Variants in ZNF324 observed in about 807,000 individuals in gnomAD.
ZNF324 encodes the protein zinc finger protein 324A.
Under a neutral mutation model 10.3 loss-of-function variants are expected in ZNF324, and 3 were observed. The ratio of observed to expected loss-of-function variants is 0.29; its 90% CI spans 0.13 to 0.75. The LOEUF is 0.75. ZNF324 is among the 30% of genes least tolerant of loss of function. The pLI is 0.69. For missense variants in ZNF324, 763 were observed against 784.4 expected, an observed-to-expected ratio of 0.97 and a Z score of 0.33; for synonymous variants, 430 against 339.5, an observed-to-expected ratio of 1.27 and a Z score of -2.93.
chr19:58,471,976 CCCT>C lies in ZNF324; in HGVS notation c.1486_1488del (p.Leu496del). On this transcript the variant is annotated inframe_deletion, in exon 4 of 4. Coordinates refer to ENST00000196482, the MANE Select transcript of ZNF324 (RefSeq NM_014347.3). ...GGCCGCGCCTTCCGTGAGCGCCCGG[CCCT>C]CTTCCACCACCAGAGGATCCATACC... 1 of 1,608,860 alleles carries C rather than the reference CCCT, an allele frequency of 6.2e-7. No individual in the cohort carries two copies. Among genetic ancestry groups the C allele is most frequent in the Non-Finnish European group, 8.5e-7 (1 of 1,179,486 alleles).
intron 2 of ZNF324, 77 bp from the exon 3 acceptor site, chr19:58,469,651 C>T: frequency 1.6e-6 from 2 of 1,229,894 alleles, no homozygotes; most frequent in Admixed American, 2.0e-5. Context: ...TCCGTGAAGC[C>T]CTGACTCCTG....
In ZNF324 at chr19:58,471,910, G is replaced by T; in HGVS notation, c.1418G>T (p.Arg473Leu). Residue 473 changes from arginine to leucine, a missense_variant, in exon 4 of 4, where the codon CGC becomes CTC. By Grantham distance (102) the Arg-to-Leu change is moderately radical. Transcript: ENST00000196482. Reference sequence around the variant, plus strand: ...GGCGCCGTGCTGCTCAGCCACCGGCGCATTCACACGGGCGAGAAGCCCTTC... The same window carrying T: ...GGCGCCGTGCTGCTCAGCCACCGGCTCATTCACACGGGCGAGAAGCCCTTC... ...AKGAVLLSHRRIHTGEKPFVC... is the reference protein window; with the variant it reads ...AKGAVLLSHRLIHTGEKPFVC... 6.2e-7 allele frequency: 1 copy of T among 1,610,472 alleles called. No individual in the cohort carries two copies. Among genetic ancestry groups the T allele is most frequent in the Non-Finnish European group, 8.5e-7 (1 of 1,179,062 alleles).
At chr19:58,469,371 C>G in intron 2 of ZNF324, 65 bp downstream of exon 2, 1 of 1,580,874 alleles carries the variant, frequency 6.3e-7, no homozygotes. Flanking sequence ...GGGCTGCCCC[C>G]TCACCTCCCT....
Position 58,471,932 on chromosome 19 carries a change from C to G in ZNF324, c.1440C>G (p.Pro480=). 6.2e-7 allele frequency: 1 copy of G among 1,610,060 alleles called. No homozygotes were observed. Among genetic ancestry groups the G allele is most frequent in the Non-Finnish European group, 8.5e-7 (1 of 1,178,986 alleles). ...SHRRIHTGEK[P]FVCTQCGRAF... Reference sequence around the variant, plus strand: ...GGCGCATTCACACGGGCGAGAAGCCCTTCGTGTGTACGCAGTGTGGCCGCG... The same window carrying G: ...GGCGCATTCACACGGGCGAGAAGCCGTTCGTGTGTACGCAGTGTGGCCGCG... The change falls in exon 4 of 4, where the codon CCC becomes CCG. Residue 480 remains proline, a synonymous_variant. Transcript: ENST00000196482.
Position 58,472,391 on chromosome 19 carries a change from T to C in ZNF324, c.*237T>C. The C allele has an allele frequency of 1.8e-6, 1 of 550,906 alleles. No individual in the cohort carries two copies. Among genetic ancestry groups the C allele is most frequent in the Non-Finnish European group, 3.2e-6 (1 of 311,324 alleles). 34.1% of individuals were successfully genotyped at this position (550,906 alleles called of 1,614,324 possible). A position where few individuals can be genotyped will look rare whatever the true frequency, so the allele number is the denominator to read the frequency against. On this transcript the variant is annotated 3_prime_UTR_variant, in exon 4 of 4. Coordinates refer to ENST00000196482, the MANE Select transcript of ZNF324 (RefSeq NM_014347.3). ...AACATCAGGGGGAGGACGTGGTGGC[T>C]GAACTCTAGTGGGGCCGAGACTATT...
At chr19:58,470,231 C>T (rs1291832706) in intron 3 of ZNF324, among the ~76,000 whole-genome samples, 2 of 152,176 alleles carry the variant, frequency 1.3e-5, no homozygotes, top group Non-Finnish European at 2.9e-5. Flanking sequence ...GCAATGTAGA[C>T]ACAGCCTCAA....
intron 1 of ZNF324, among the ~76,000 whole-genome samples, chr19:58,468,405 G>C (rs2053000036): frequency 6.6e-6 from 1 of 152,104 alleles, no homozygotes; most frequent in Non-Finnish European, 1.5e-5. Context: ...GGGGACACCG[G>C]GTGAAAGGAG....
intron 1 of ZNF324, chr19:58,468,146 G>A (rs904221006): frequency 1.0e-6 from 1 of 969,158 alleles, no homozygotes; most frequent in Non-Finnish European, 1.2e-6. Context: ...AAGGAAAGCA[G>A]GTTTCCTTCA....
chr19:58,471,164 G>T lies in ZNF324; in HGVS notation c.672G>T (p.Met224Ile), dbSNP rs1388751810. The change falls in exon 4 of 4, where the codon ATG becomes ATT. Residue 224 changes from methionine to isoleucine, a missense_variant. Around this residue, in one of 3 missense-constraint regions of ZNF324, gnomAD observed 379 missense variants for 319.4 expected, o/e 1.19. Coordinates refer to ENST00000196482, the MANE Select transcript of ZNF324 (RefSeq NM_014347.3). Reference sequence around the variant, plus strand: ...CCGGCGGTCGGGGACATCACCGAATGGGTGCAGTTTGGCAGGAGCCTCATA... The same window carrying T: ...CCGGCGGTCGGGGACATCACCGAATTGGTGCAGTTTGGCAGGAGCCTCATA... ...EAAGGRGHHR[M>I]GAVWQEPHRL... The T allele has an allele frequency of 6.2e-7, 1 of 1,613,824 alleles. No homozygotes were observed. The highest frequency in any genetic ancestry group is 8.5e-7 in the Non-Finnish European group (1 of 1,180,036).
At position 58,471,906 on chromosome 19, in the gene ZNF324, C is replaced by T; in HGVS notation, c.1414C>T (p.Arg472Trp). The change falls in exon 4 of 4, where the codon CGG (arginine) becomes TGG (tryptophan). Residue 472 changes from arginine to tryptophan, a missense_variant. Transcript: ENST00000196482. The stretch of plus-strand genomic sequence containing the variant: ...CAAGGGCGCCGTGCTGCTCAGCCAC[C>T]GGCGCATTCACACGGGCGAGAAGCC... ...FAKGAVLLSH[R>W]RIHTGEKPFV... The T allele has an allele frequency of 1.9e-6, 3 of 1,610,532 alleles. No individual in the cohort carries two copies. The highest frequency in any genetic ancestry group is 2.5e-6 in the Non-Finnish European group (3 of 1,179,078).
At chr19:58,470,507 G>C (rs1466928385) in intron 3 of ZNF324, 1 of 656,494 alleles carries the variant, frequency 1.5e-6, no homozygotes, top group African/African-American at 1.8e-5. Flanking sequence ...GGTGTCGGGG[G>C]GCTGCCACCT....
At position 58,471,902 on chromosome 19, in the gene ZNF324, C is replaced by T. The variant is rs766153787; in HGVS notation, c.1410C>T (p.Ser470=). 1 of 1,610,422 alleles carries T rather than the reference C, an allele frequency of 6.2e-7. No homozygotes were observed. The highest frequency in any genetic ancestry group is 8.5e-7 in the Non-Finnish European group (1 of 1,179,086). The part of the protein sequence containing the change: ...KAFAKGAVLL[S]HRRIHTGEKP... Reference sequence around the variant, plus strand: ...TCGCCAAGGGCGCCGTGCTGCTCAGCCACCGGCGCATTCACACGGGCGAGA... The same window carrying T: ...TCGCCAAGGGCGCCGTGCTGCTCAGTCACCGGCGCATTCACACGGGCGAGA... Residue 470 remains serine, a synonymous_variant, in exon 4 of 4, where the codon AGC becomes AGT. Coordinates refer to ENST00000196482, the MANE Select transcript of ZNF324 (RefSeq NM_014347.3).
intron 1 of ZNF324, among the ~76,000 whole-genome samples, chr19:58,468,718 A>C (rs945762865): frequency 1.3e-5 from 2 of 152,072 alleles, no homozygotes; most frequent in Non-Finnish European, 2.9e-5. Flanking sequence ...GACTTGTTCT[A>C]GCTTGCTTGT....
rs765776608 is a variant in ZNF324, at chr19:58,470,675, C to G, written c.239-56C>G. On this transcript the variant is annotated intron_variant, in intron 3 of 3. Transcript: ENST00000196482. Reference sequence around the variant, plus strand: ...CCTTCTTGCCTGTCCACTCAGCCTGCCCTGGTCCTCTCCTAACCAGGATGC... The same window carrying G: ...CCTTCTTGCCTGTCCACTCAGCCTGGCCTGGTCCTCTCCTAACCAGGATGC... 18 of 1,608,794 alleles carry G rather than the reference C, an allele frequency of 1.1e-5. No homozygotes were observed. The South Asian group carries it at 2.0e-4, about 18-fold the overall frequency.
In ZNF324 at chr19:58,474,862, C is replaced by T. The variant is rs1471005090; in HGVS notation, c.*2708C>T. 1 of 152,272 alleles carries T rather than the reference C, an allele frequency of 6.6e-6. No individual in the cohort carries two copies. Among genetic ancestry groups the T allele is most frequent in the Non-Finnish European group, 1.5e-5 (1 of 68,014 alleles). The allele number at this position is 152,272 out of a possible 1,614,324, so 9.4% of individuals were successfully genotyped here. ...AGAGCTGTCACTAAGTTAGGGAAGG[C>T]AAAATACTACGTGGCGACTTGGCGA... On this transcript the variant is annotated 3_prime_UTR_variant, in exon 4 of 4. Transcript: ENST00000196482.
At chr19:58,470,461 A>G (rs747903427) in intron 3 of ZNF324, 2 of 590,636 alleles carry the variant, frequency 3.4e-6, no homozygotes, top group Non-Finnish European at 6.2e-6. Context: ...TATGCAGCAT[A>G]CAGCAGCCGC....
Position 58,472,371 on chromosome 19 carries a change from CA to C in ZNF324, c.*218del, listed in dbSNP as rs1465794963. 2 of 574,078 alleles carry C rather than the reference CA, an allele frequency of 3.5e-6. No individual in the cohort carries two copies. The highest frequency in any genetic ancestry group is 6.1e-6 in the Non-Finnish European group (2 of 328,550). 35.6% of individuals were successfully genotyped at this position (574,078 alleles called of 1,614,324 possible). A position where few individuals can be genotyped will look rare whatever the true frequency, so the allele number is the denominator to read the frequency against. On this transcript the variant is annotated 3_prime_UTR_variant, in exon 4 of 4. Transcript: ENST00000196482. ...CAAAGAGGTAGCACTGCAGCAACAT[CA>C]GGGGGAGGACGTGGTGGCTGAACTC...
chr19:58,470,623 C>T (rs1214268449), intron 3 of ZNF324, 108 bp from the exon 4 acceptor site: 4 of 1,430,182 alleles, frequency 2.8e-6, no homozygotes, highest in Non-Finnish European at 3.9e-6. Context: ...TACTTTTCCC[C>T]TAAGCTTTTG....
rs750707724 is a variant in ZNF324 at position 58,471,995 on chromosome 19, G to A, written c.1503G>A (p.Arg501=). The change falls in exon 4 of 4, where the codon AGG becomes AGA. Residue 501 remains arginine (R), a synonymous_variant. Transcript: ENST00000196482. ...RERPALFHHQ[R]IHTGEKTVRR... ...GCCCGGCCCTCTTCCACCACCAGAG[G>A]ATCCATACCGGCGAGAAGACCGTCC... is the stretch of plus-strand genomic sequence containing the variant. The A allele has an allele frequency of 1.2e-6, 2 of 1,608,468 alleles. No homozygotes were observed. Among genetic ancestry groups the A allele is most frequent in the African/African-American group, 2.7e-5 (2 of 74,930 alleles).
Sources: allele counts gnomAD v4.1 joint callset (sites outside exome capture counted in the v4.1 genomes callset), GRCh38; gene constraint gnomAD v4.1.1; regional missense constraint gnomAD v4.1.1; transcripts MANE v1.5; gene names NCBI Gene and HGNC (gene_info 2026-07-23, HGNC 2026-07-21).